The following ABHD12 variants were observed in gnomAD, a reference collection of about 807,000 sequenced individuals.
ABHD12 encodes the protein abhydrolase domain containing 12, lysophospholipase.
Under a neutral mutation model 58.3 loss-of-function variants are expected in ABHD12, and 43 were observed. The ratio of observed to expected loss-of-function variants is 0.74; its 90% CI spans 0.58 to 0.95. ABHD12 has a LOEUF of 0.95. Ranked by LOEUF, ABHD12 falls within the 40% of genes least tolerant of loss-of-function variation. The probability of loss-of-function intolerance (pLI) is 0.00; values close to 1 mark genes in which losing one functional copy is unlikely to be tolerated. For missense variants in ABHD12, 539 were observed against 537.2 expected (o/e 1.00, Z -0.03); for synonymous variants, 219 against 211.2 (o/e 1.04, Z -0.32).
chr20:25,316,793 G>A (rs896289778), intron 5 of ABHD12, among the ~76,000 whole-genome samples: 1 of 152,232 alleles, frequency 6.6e-6, no homozygotes, highest in African/African-American at 2.4e-5. Flanking sequence ...TTAGCTGGGC[G>A]TGGTGGCGGC....
intron 1 of ABHD12, among the ~76,000 whole-genome samples, chr20:25,347,112 C>G (rs1314121826): frequency 6.6e-6 from 1 of 152,108 alleles, no homozygotes; most frequent in Non-Finnish European, 1.5e-5. Context: ...AAATATTACA[C>G]GAAGAAATCC....
chr20:25,388,711 A>G (rs2090127466), intron 1 of ABHD12, among the ~76,000 whole-genome samples: 1 of 152,196 alleles, frequency 6.6e-6, no homozygotes, highest in Non-Finnish European at 1.5e-5. Flanking sequence ...GGGTAATTTT[A>G]ATACAGTACA....
At chr20:25,380,088 A>C (rs1214878495) in intron 1 of ABHD12, among the ~76,000 whole-genome samples, 1 of 152,168 alleles carries the variant, frequency 6.6e-6, no homozygotes, top group Non-Finnish European at 1.5e-5. Flanking sequence ...TGAATAGTTG[A>C]GCCCTTTCTT....
chr20:25,333,332 C>A (rs1275766727), intron 2 of ABHD12, among the ~76,000 whole-genome samples: 1 of 118,912 alleles, frequency 8.4e-6, no homozygotes, highest in Admixed American at 9.0e-5. Flanking sequence ...ACCAACCTAA[C>A]AGAGTCCAGG....
intron 1 of ABHD12, among the ~76,000 whole-genome samples, chr20:25,348,552 T>C (rs548257358): frequency 6.8e-6 from 1 of 146,254 alleles, no homozygotes; most frequent in South Asian, 2.2e-4. Context: ...GCCTGGGAGG[T>C]TGAGGCTGCA....
intron 1 of ABHD12, among the ~76,000 whole-genome samples, chr20:25,382,667 C>A (rs565728345): frequency 1.3e-5 from 2 of 152,240 alleles, no homozygotes; most frequent in East Asian, 3.9e-4. Context: ...AGGCTTCCTC[C>A]ATGAAAGTGC....
chr20:25,328,515 C>T (rs191542501), intron 2 of ABHD12, among the ~76,000 whole-genome samples: 10 of 152,318 alleles, frequency 6.6e-5, no homozygotes, highest in Admixed American at 5.9e-4. Context: ...ACTGGGCTTC[C>T]ACTGGCTCCG....
At chr20:25,389,922 T>C (rs763395203) in intron 1 of ABHD12, 2 of 152,216 alleles carry the variant, frequency 1.3e-5, no homozygotes, top group Non-Finnish European at 2.9e-5. Context: ...CCGACCCTAG[T>C]TACCGGGGAG....
intron 1 of ABHD12, among the ~76,000 whole-genome samples, chr20:25,378,013 T>C: frequency 1.3e-5 from 2 of 152,216 alleles, no homozygotes; most frequent in East Asian, 1.9e-4. Context: ...ACTTCTTATA[T>C]GTAGTTAGTA....
chr20:25,387,097 A>G (rs1213124445), intron 1 of ABHD12, among the ~76,000 whole-genome samples: 2 of 152,278 alleles, frequency 1.3e-5, no homozygotes, highest in African/African-American at 4.8e-5. Flanking sequence ...AACATCAGTG[A>G]GGGAGCAGGA....
rs756343478 is a variant in ABHD12 at position 25,339,216 on chromosome 20, A to G, written c.316+11T>C. On this transcript the variant is annotated intron_variant, in intron 2 of 12. Transcript: ENST00000339157. Reference sequence around the variant, plus strand: ...CTAAAATTAAAGGAAAAATGGACACATACCACTTACCGAAATTCAAGAAAA... The same window carrying G: ...CTAAAATTAAAGGAAAAATGGACACGTACCACTTACCGAAATTCAAGAAAA... The G allele has an allele frequency of 9.3e-6, 15 of 1,614,178 alleles. No homozygotes were observed. The highest frequency in any genetic ancestry group is 1.1e-5 in the Non-Finnish European group (13 of 1,180,002).
intron 3 of ABHD12, among the ~76,000 whole-genome samples, chr20:25,320,553 T>C (rs1365304826): frequency 6.6e-6 from 1 of 152,174 alleles, no homozygotes; most frequent in Non-Finnish European, 1.5e-5. Context: ...AGCAGGAGCG[T>C]TCCCTGACTG....
chr20:25,339,730 C>T (rs1405604822), intron 1 of ABHD12: 2 of 1,350,372 alleles, frequency 1.5e-6, no homozygotes, highest in Admixed American at 2.0e-5. Flanking sequence ...TCAGGCCTCC[C>T]GATCCGTCTT....
At chr20:25,369,928 A>AT in intron 1 of ABHD12, among the ~76,000 whole-genome samples, 1 of 5,068 alleles carries the variant, frequency 2.0e-4, no homozygotes, top group East Asian at 9.4e-3. Flanking sequence ...TCTCTGTTAT[A>AT]AAAAAAAAAA....
At chr20:25,379,892 A>G (rs1193337546) in intron 1 of ABHD12, among the ~76,000 whole-genome samples, 1 of 151,404 alleles carries the variant, frequency 6.6e-6, no homozygotes, top group Non-Finnish European at 1.5e-5. Flanking sequence ...GTCTCCCTTC[A>G]TTGCCCAGGC....
chr20:25,339,998 A>G (rs1476025421), intron 1 of ABHD12, among the ~76,000 whole-genome samples: 1 of 152,170 alleles, frequency 6.6e-6, no homozygotes, highest in African/African-American at 2.4e-5. Flanking sequence ...CCAGCTCCAG[A>G]GTTCTTATCT....
intron 2 of ABHD12, among the ~76,000 whole-genome samples, chr20:25,335,646 T>C (rs997446550): frequency 2.0e-5 from 3 of 146,640 alleles, no homozygotes; most frequent in African/African-American, 7.7e-5. Flanking sequence ...GATGAGTTCA[T>C]GTCCTTTGTA....
intron 1 of ABHD12, chr20:25,390,118 G>A (rs1259266380): frequency 9.7e-5 from 16 of 164,250 alleles, no homozygotes; most frequent in Non-Finnish European, 2.6e-5. Context: ...TGGCGTCCAG[G>A]GATCTTCCAA....
At chr20:25,353,852 A>G (rs2089633993) in intron 1 of ABHD12, among the ~76,000 whole-genome samples, 1 of 152,120 alleles carries the variant, frequency 6.6e-6, no homozygotes, top group African/African-American at 2.4e-5. Context: ...ACCAAACTCA[A>G]CGTCAGGCCG....
Sources: allele counts gnomAD v4.1 joint callset (sites outside exome capture counted in the v4.1 genomes callset), GRCh38; gene constraint gnomAD v4.1.1; transcripts MANE v1.5; gene names NCBI Gene and HGNC (gene_info 2026-07-23, HGNC 2026-07-21).